Variants in NEDD1 observed in about 807,000 individuals in gnomAD.
The protein encoded by NEDD1 is protein NEDD1.
A neutral mutation model predicts 74.0 loss-of-function variants in NEDD1; 33 were observed. The ratio of observed to expected loss-of-function variants is 0.45; its 90% CI spans 0.34 to 0.60. The LOEUF (loss-of-function observed/expected upper bound fraction) is 0.60. Ranked by LOEUF, NEDD1 falls within the 20% of genes least tolerant of loss-of-function variation. The pLI, the probability that NEDD1 is intolerant of heterozygous loss-of-function variation, is 0.01. For synonymous variants in NEDD1, 250 were observed against 264.4 expected (o/e 0.95, Z 0.53); for missense variants, 746 against 776.5 (o/e 0.96, Z 0.47).
intron 6 of NEDD1, among the ~76,000 whole-genome samples, chr12:96,933,989 T>A (rs957170776): frequency 6.6e-6 from 1 of 152,180 alleles, no homozygotes; most frequent in Non-Finnish European, 1.5e-5. Flanking sequence ...TGCAGGGATT[T>A]GTGTTTAGAG....
At chr12:96,936,309 C>T (rs1346726417) in intron 7 of NEDD1, among the ~76,000 whole-genome samples, 1 of 152,174 alleles carries the variant, frequency 6.6e-6, no homozygotes, top group Non-Finnish European at 1.5e-5. Context: ...AGTTCTGCTA[C>T]ATTCACTGTC....
At chr12:96,947,609 G>T (rs561875842) in intron 14 of NEDD1, among the ~76,000 whole-genome samples, 1 of 152,320 alleles carries the variant, frequency 6.6e-6, no homozygotes, top group African/African-American at 2.4e-5. Flanking sequence ...ACTGGCTTCA[G>T]ATGATTTGAG....
Position 96,925,660 on chromosome 12 carries a change from A to G in NEDD1, c.489+5535A>G, listed in dbSNP as rs140446302. 7.9e-3 allele frequency among the ~76,000 whole-genome samples: 1,202 copies of G among 152,300 alleles called. 8 individuals are homozygous for G. Among genetic ancestry groups the G allele is most frequent in the Non-Finnish European group, 0.01 (713 of 68,026 alleles). ...TGTACCTATACCTCTTCCTCACACC[A>G]GTATCTTTTAAAATTCTATGTGATA... On this transcript the variant is annotated intron_variant, in intron 6 of 15. Transcript: ENST00000266742.
At chr12:96,928,400 T>A (rs1875948277) in intron 6 of NEDD1, among the ~76,000 whole-genome samples, 1 of 152,178 alleles carries the variant, frequency 6.6e-6, no homozygotes, top group African/African-American at 2.4e-5. Context: ...AGTATGTATC[T>A]TCTGATTTTT....
chr12:96,927,908 G>A (rs249570), intron 6 of NEDD1, among the ~76,000 whole-genome samples: 72,279 of 151,664 alleles, frequency 0.48, 17,478 homozygotes, highest in African/African-American at 0.54. Flanking sequence ...TTATATAGGA[G>A]CATTGGTATA....
chr12:96,940,620 T>C, intron 10 of NEDD1, 83 bp downstream of exon 10: 1 of 930,762 alleles, frequency 1.1e-6, no homozygotes, highest in African/African-American at 1.7e-5. Context: ...ATAGCTTCAG[T>C]CCAACTCTAT....
In NEDD1 at chr12:96,935,071, G is replaced by C; in HGVS notation, c.585G>C (p.Gln195His). Reference sequence around the variant, plus strand: ...TAACTCTCTGGGATGTAAATAGTCAGAGTCCATACCATAACTTTGACAGTG... The same window carrying C: ...TAACTCTCTGGGATGTAAATAGTCACAGTCCATACCATAACTTTGACAGTG... ...GIVTLWDVNSQSPYHNFDSVH... is the reference protein window; with the variant it reads ...GIVTLWDVNSHSPYHNFDSVH... The change falls in exon 7 of 16, where the codon CAG (glutamine) becomes CAC (histidine). Residue 195 changes from glutamine (Q) to histidine (H), a missense_variant. Physicochemically the swap from Gln to His is conservative, Grantham distance 24. Coordinates refer to ENST00000266742, the MANE Select transcript of NEDD1 (RefSeq NM_152905.4). 6.2e-7 allele frequency: 1 copy of C among 1,609,142 alleles called. No homozygotes were observed. The highest frequency in any genetic ancestry group is 8.5e-7 in the Non-Finnish European group (1 of 1,175,460).
intron 4 of NEDD1, among the ~76,000 whole-genome samples, chr12:96,916,362 G>T (rs1242209684): frequency 1.4e-5 from 2 of 141,860 alleles, no homozygotes; most frequent in East Asian, 4.1e-4. Flanking sequence ...CCACTAACTC[G>T]TCATCTAGCA....
chr12:96,916,501 C>T (rs1391483792), intron 4 of NEDD1, among the ~76,000 whole-genome samples: 1 of 132,206 alleles, frequency 7.6e-6, no homozygotes, highest in Non-Finnish European at 1.6e-5. Context: ...TGAGAATATG[C>T]GGTGTTTGGT....
intron 5 of NEDD1, among the ~76,000 whole-genome samples, chr12:96,918,269 T>C (rs1035801333): frequency 1.3e-5 from 2 of 152,194 alleles, no homozygotes; most frequent in Non-Finnish European, 2.9e-5. Context: ...TAGCTTTTTG[T>C]AGTTTCAGAA....
At chr12:96,928,675 G>A (rs1427053871) in intron 6 of NEDD1, among the ~76,000 whole-genome samples, 1 of 141,210 alleles carries the variant, frequency 7.1e-6, no homozygotes, top group African/African-American at 2.6e-5. Context: ...GGTACATAGT[G>A]TGTTTCTTTT....
intron 6 of NEDD1, 124 bp downstream of exon 6, chr12:96,920,249 A>G (rs1874923879): frequency 3.5e-6 from 2 of 570,256 alleles, no homozygotes; most frequent in East Asian, 5.7e-5. Flanking sequence ...TTTAAATGGT[A>G]GTGTTTTAAA....
At chr12:96,919,822 A>T (rs1469197136) in intron 5 of NEDD1, among the ~76,000 whole-genome samples, 163 bp from the exon 6 acceptor site, 1 of 152,206 alleles carries the variant, frequency 6.6e-6, no homozygotes, top group Non-Finnish European at 1.5e-5. Context: ...AAGTGCCTGG[A>T]CCATTTTTAT....
At chr12:96,916,708 A>G (rs1375628209) in intron 4 of NEDD1, among the ~76,000 whole-genome samples, 11 of 151,888 alleles carry the variant, frequency 7.2e-5, no homozygotes, top group South Asian at 6.3e-4. Context: ...TAATGCCGCA[A>G]TAAACATACG....
At chr12:96,928,591 T>A (rs1875973604) in intron 6 of NEDD1, among the ~76,000 whole-genome samples, 1 of 151,524 alleles carries the variant, frequency 6.6e-6, no homozygotes, top group South Asian at 2.1e-4. Flanking sequence ...TCAAAGGAAT[T>A]TTTTTTTTCT....
At chr12:96,950,891 A>G (rs1878648257) in intron 14 of NEDD1, among the ~76,000 whole-genome samples, 1 of 151,846 alleles carries the variant, frequency 6.6e-6, no homozygotes, top group Admixed American at 6.6e-5. Flanking sequence ...GTAGGCATGA[A>G]TTAATTGTAT....
At chr12:96,938,252 T>C (rs1031274688) in intron 9 of NEDD1, among the ~76,000 whole-genome samples, 9 of 152,032 alleles carry the variant, frequency 5.9e-5, no homozygotes, top group Non-Finnish European at 1.2e-4. Flanking sequence ...TGAATATCTG[T>C]ATCATCCTTA....
intron 9 of NEDD1, among the ~76,000 whole-genome samples, chr12:96,937,708 T>C (rs1877271103): frequency 6.6e-6 from 1 of 152,150 alleles, no homozygotes; most frequent in African/African-American, 2.4e-5. Flanking sequence ...GGCTTTTCAT[T>C]GTGTCTTCAG....
chr12:96,941,573 C>T (rs1877665985), intron 10 of NEDD1, among the ~76,000 whole-genome samples: 1 of 151,986 alleles, frequency 6.6e-6, no homozygotes, highest in Admixed American at 6.6e-5. Flanking sequence ...AGAAAAGTGA[C>T]TAGTGCTGGA....
Sources: allele counts gnomAD v4.1 joint callset (sites outside exome capture counted in the v4.1 genomes callset), GRCh38; gene constraint gnomAD v4.1.1; transcripts MANE v1.5; gene names NCBI Gene and HGNC (gene_info 2026-07-23, HGNC 2026-07-21).